Variants in ODAD1 observed in about 807,000 individuals in gnomAD.
The protein encoded by ODAD1 is outer dynein arm-docking complex subunit 1.
In ODAD1, 49 loss-of-function variants were observed where a neutral mutation model predicts 67.2. The ratio of observed to expected loss-of-function variants is 0.73; its 90% CI spans 0.58 to 0.92. The LOEUF is 0.92. Ranked by LOEUF, ODAD1 falls within the 40% of genes least tolerant of loss-of-function variation. The probability of loss-of-function intolerance (pLI) is 0.00; values close to 1 mark genes in which losing one functional copy is unlikely to be tolerated. For synonymous variants in ODAD1, 345 were observed against 393.7 expected (o/e 0.88, Z 1.46); for missense variants, 897 against 953.7 (o/e 0.94, Z 0.78).
At chr19:48,316,829 C>T (rs1968910718) in intron 5 of ODAD1, among the ~76,000 whole-genome samples, 1 of 152,132 alleles carries the variant, frequency 6.6e-6, no homozygotes, top group Non-Finnish European at 1.5e-5. Flanking sequence ...AAAACCTCAT[C>T]TCTACCAAAA....
intron 7 of ODAD1, among the ~76,000 whole-genome samples, chr19:48,310,937 G>A (rs1272661082): frequency 6.6e-6 from 1 of 151,774 alleles, no homozygotes; most frequent in East Asian, 1.9e-4. Context: ...AATCGGCCGG[G>A]TGTGGTGGCT....
Position 48,306,298 on chromosome 19 carries a change from A to C in ODAD1, c.623T>G (p.Val208Gly). The C allele has an allele frequency of 1.3e-6, 2 of 1,551,570 alleles. No individual in the cohort carries two copies. Among genetic ancestry groups the C allele is most frequent in the Non-Finnish European group, 1.7e-6 (2 of 1,146,918 alleles). ...GGTGGAGGAGAGGATAAGGGTGCTG[A>C]CCAGGTGATGCAGGTGGTGGATCTC... ...KKEIHHLHHL[V>G]STLILSSTSA... The change falls in exon 8 of 16, where the codon GTC becomes GGC. Residue 208 changes from valine to glycine, a missense_variant. By Grantham distance (109) the Val-to-Gly change is moderately radical. Transcript: ENST00000674294.
Position 48,306,247 on chromosome 19 carries a change from A to G in ODAD1, c.665+9T>C. 3 of 1,551,490 alleles carry G rather than the reference A, an allele frequency of 1.9e-6. No individual in the cohort carries two copies. Among genetic ancestry groups the G allele is most frequent in the South Asian group, 1.2e-5 (1 of 84,052 alleles). ...GGTCCCGCCATCCCAGGATACCCGC[A>G]GTCTCTACCTGACGGCGTAGGCAGA... On this transcript the variant is annotated intron_variant, in intron 8 of 15. Transcript: ENST00000674294.
At position 48,304,156 on chromosome 19, in the gene ODAD1, G is replaced by A. The variant is rs538126564; in HGVS notation, c.666-16C>T. 30 of 1,589,800 alleles carry A rather than the reference G, an allele frequency of 1.9e-5. No homozygotes were observed. Among genetic ancestry groups the A allele is most frequent in the South Asian group, 6.7e-5 (6 of 90,052 alleles). The stretch of plus-strand genomic sequence containing the variant: ...CGCCTCCTCCCTGCGGGGGTCAGCC[G>A]GGGTCAGGATGACTGGAGGCTGGAC... On this transcript the variant is annotated splice_polypyrimidine_tract_variant and intron_variant, in intron 8 of 15. Transcript: ENST00000674294.
rs114112178 is a variant in ODAD1 at position 48,315,230 on chromosome 19, C to T, written c.361-3114G>A. 8.8e-3 allele frequency among the ~76,000 whole-genome samples: 1,340 copies of T among 152,048 alleles called. 19 individuals are homozygous for T. Among genetic ancestry groups the T allele is most frequent in the African/African-American group, 0.031 (1,282 of 41,490 alleles). On this transcript the variant is annotated intron_variant, in intron 5 of 15. Coordinates refer to ENST00000674294, the MANE Select transcript of ODAD1 (RefSeq NM_001364171.2). The stretch of plus-strand genomic sequence containing the variant: ...GCTTTATGAAAGAAGAGATGACATA[C>T]GGTAAAACTGCACATATTTAGTGTT...
Position 48,297,459 on chromosome 19 carries a change from C to T in ODAD1, c.1641G>A (p.Ala547=), listed in dbSNP as rs374160332. Residue 547 remains alanine, a synonymous_variant, in exon 16 of 16, where the codon GCG becomes GCA. Transcript: ENST00000674294. ...CCACGCTCAGGGTGCCGTCCAGCTT[C>T]GCGGCGGCGGCGGCCAGGTCCTTCT... ...QRQKDLAAAA[A]KLDGTLSVDL... The T allele has an allele frequency of 2.0e-4, 317 of 1,601,010 alleles. No individual in the cohort carries two copies. The highest frequency in any genetic ancestry group is 1.4e-4 in the Admixed American group (8 of 59,178).
In ODAD1 at chr19:48,318,437, G is replaced by A. The variant is rs1968957670; in HGVS notation, c.310C>T (p.Gln104Ter). 1 of 1,551,550 alleles carries A rather than the reference G, an allele frequency of 6.4e-7. No individual in the cohort carries two copies. Among genetic ancestry groups the A allele is most frequent in the African/African-American group, 1.4e-5 (1 of 73,052 alleles). The change falls in exon 5 of 16, where the codon CAG becomes TAG. Residue 104 changes from glutamine (Q) to a stop codon, truncating the protein, a stop_gained. Coordinates refer to ENST00000674294, the MANE Select transcript of ODAD1 (RefSeq NM_001364171.2). LOFTEE classifies it high-confidence loss of function. ...TCCTGCAGCTCCTCGATCTCCGCCT[G>A]CACCTGGGCCCGGCCCTTCAGCAGG... Reference protein sequence around the residue: ...DRLLKGRAQVQAEIEELQEQT... With the variant: ...DRLLKGRAQV
intron 5 of ODAD1, among the ~76,000 whole-genome samples, chr19:48,315,914 C>G (rs771201097): frequency 6.6e-6 from 1 of 152,162 alleles, no homozygotes; most frequent in Admixed American, 6.5e-5. Context: ...CACTCGACCA[C>G]CGATGGACAT....
chr19:48,304,373 C>T (rs1170876140), intron 8 of ODAD1, among the ~76,000 whole-genome samples: 1 of 152,084 alleles, frequency 6.6e-6, no homozygotes, highest in African/African-American at 2.4e-5. Flanking sequence ...GGCTGTAATC[C>T]CAGCACTTTG....
At position 48,297,329 on chromosome 19, in the gene ODAD1, G is replaced by C. The variant is rs369825835; in HGVS notation, c.1771C>G (p.Arg591Gly). The C allele has an allele frequency of 1.2e-6, 2 of 1,612,940 alleles. No homozygotes were observed. Among genetic ancestry groups the C allele is most frequent in the Admixed American group, 3.3e-5 (2 of 60,024 alleles). The change falls in exon 16 of 16, where the codon CGT becomes GGT. Residue 591 changes from arginine to glycine, a missense_variant. Transcript: ENST00000674294. ...SILSHKTSRD[R>G]GSLGHVTFGG... ...AAAGTGACGTGGCCAAGAGAGCCAC[G>C]GTCTCTGCTAGTCTTGTGGCTCAAA...
At chr19:48,306,223 G>A in intron 8 of ODAD1, 33 bp downstream of exon 8, 4 of 1,551,108 alleles carry the variant, frequency 2.6e-6, no homozygotes, top group Admixed American at 2.0e-5. Flanking sequence ...AGTCATCTGG[G>A]TCCCGCCATC....
chr19:48,308,313 T>A (rs1968670284), intron 7 of ODAD1, among the ~76,000 whole-genome samples: 1 of 152,262 alleles, frequency 6.6e-6, no homozygotes, highest in South Asian at 2.1e-4. Context: ...TAGCTGGGAT[T>A]ACAGGCGTGC....
At position 48,300,809 on chromosome 19, in the gene ODAD1, C is replaced by T. The variant is rs184354204; in HGVS notation, c.1240+1885G>A. 2.4e-3 allele frequency among the ~76,000 whole-genome samples: 366 copies of T among 152,292 alleles called. 3 individuals carry two copies. The highest frequency in any genetic ancestry group is 3.4e-3 in the Non-Finnish European group (232 of 68,028). ...AATTAAATTAATAGAGAGAGTACGG[C>T]ACACACGTTAGATGGCTAATATTAA... On this transcript the variant is annotated intron_variant, in intron 12 of 15. Transcript: ENST00000674294.
At chr19:48,307,778 G>A (rs1968650567) in intron 7 of ODAD1, among the ~76,000 whole-genome samples, 1 of 148,580 alleles carries the variant, frequency 6.7e-6, no homozygotes, top group Non-Finnish European at 1.5e-5. Context: ...TCATGCCACT[G>A]CACTCCAGCA....
At chr19:48,321,165 G>GA (rs1277060410) in intron 1 of ODAD1, among the ~76,000 whole-genome samples, 1 of 152,200 alleles carries the variant, frequency 6.6e-6, no homozygotes, top group Non-Finnish European at 1.5e-5. Context: ...TTGAACCCGG[G>GA]AGGCGGAGGT....
intron 7 of ODAD1, among the ~76,000 whole-genome samples, chr19:48,310,798 C>T (rs1456131618): frequency 2.0e-5 from 3 of 152,128 alleles, no homozygotes; most frequent in African/African-American, 4.8e-5. Context: ...AAGTCAAGAC[C>T]GGACGCAGTG....
chr19:48,320,232 C>T (rs781662236), intron 3 of ODAD1, 67 bp downstream of exon 3: 73 of 1,066,114 alleles, frequency 6.8e-5, no homozygotes, highest in Non-Finnish European at 8.1e-5. Flanking sequence ...CCCTACAGGA[C>T]CTGGAACTTG....
In ODAD1 at chr19:48,318,729, G is replaced by C; in HGVS notation, c.154C>G (p.Arg52Gly). 1 of 1,550,424 alleles carries C rather than the reference G, an allele frequency of 6.4e-7. No individual in the cohort carries two copies. Among genetic ancestry groups the C allele is most frequent in the Non-Finnish European group, 8.7e-7 (1 of 1,146,030 alleles). ...RRAYSKEVHQ[R>G]INKQLEEIRR... The stretch of plus-strand genomic sequence containing the variant: ...CCAGCTCACAGTTGCTTGTTGATGC[G>C]CTGGTGGACTTCCTTGCTGTAGGCC... The change falls in exon 4 of 16, where the codon CGC becomes GGC. Residue 52 changes from arginine to glycine, a missense_variant. Physicochemically the swap from Arg to Gly is moderately radical, Grantham distance 125 (BLOSUM62 -2). Coordinates refer to ENST00000674294, the MANE Select transcript of ODAD1 (RefSeq NM_001364171.2).
At position 48,298,314 on chromosome 19, in the gene ODAD1, G is replaced by A. The variant is rs1569001619; in HGVS notation, c.1267C>T (p.His423Tyr). 1.6e-5 allele frequency: 26 copies of A among 1,614,178 alleles called. No individual in the cohort carries two copies. The highest frequency in any genetic ancestry group is 2.2e-5 in the Non-Finnish European group (26 of 1,180,024). ...ADIQLLFTKA[H>Y]CDSSMIDDLL... ...TCATCGATCATGCTGCTGTCGCAAT[G>A]GGCCTTGGTGAAGAGGAGCTGGATA... Residue 423 changes from histidine (H) to tyrosine (Y), a missense_variant, in exon 13 of 16, where the codon CAT (histidine) becomes TAT (tyrosine). Transcript: ENST00000674294.
Sources: allele counts gnomAD v4.1 joint callset (sites outside exome capture counted in the v4.1 genomes callset), GRCh38; gene constraint gnomAD v4.1.1; transcripts MANE v1.5; gene names NCBI Gene and HGNC (gene_info 2026-07-23, HGNC 2026-07-21).